Variants in CD109 observed in about 807,000 individuals in gnomAD.
CD109 encodes CD109 antigen.
Under a neutral mutation model 165.8 loss-of-function variants are expected in CD109, and 149 were observed. That is an observed-to-expected ratio of 0.90 (90% CI 0.79 to 1.03). CD109 has a LOEUF of 1.03. CD109 is among the 50% of genes least tolerant of loss of function. CD109 has a pLI of 0.00. For missense variants in CD109, 1,712 were observed against 1,677.8 expected (o/e 1.02, Z -0.36); for synonymous variants, 585 against 592.1 (o/e 0.99, Z 0.18).
chr6:73,779,789 G>C (rs966721810), intron 15 of CD109, among the ~76,000 whole-genome samples: 1 of 151,730 alleles, frequency 6.6e-6, no homozygotes, highest in African/African-American at 2.4e-5. Context: ...AATTTTTTGA[G>C]GATCTGACAG....
rs1582127136 is a variant in CD109 at position 73,767,000 on chromosome 6, T to G, written c.1487T>G (p.Leu496Ter). The part of the protein sequence containing the change: ...VVSGNKRLKE[L>*]SYMVVSRGQL... ...AGTGGCAACAAACGATTGAAGGAGT[T>G]AAGCTATATGGTAATCTCTTATAGA... The change falls in exon 13 of 33, where the codon TTA (leucine) becomes TGA (stop). Residue 496 changes from leucine to a stop codon, truncating the protein, a stop_gained. Transcript: ENST00000287097. LOFTEE classifies it high-confidence loss of function. 1 of 1,612,976 alleles carries G rather than the reference T, an allele frequency of 6.2e-7. No homozygotes were observed. Among genetic ancestry groups the G allele is most frequent in the South Asian group, 1.1e-5 (1 of 91,010 alleles).
At position 73,753,225 on chromosome 6, in the gene CD109, A is replaced by G. The variant is rs186254467; in HGVS notation, c.634-3418A>G. ...AGAGACCATATGGCCTGCAAAGCCT[A>G]AAATATTTACTATCCCACTCTTTAC... On this transcript the variant is annotated intron_variant, in intron 5 of 32. Transcript: ENST00000287097. Among the ~76,000 whole-genome samples, 872 of 152,314 alleles carry G rather than the reference A, an allele frequency of 5.7e-3. 4 individuals carry two copies. Among genetic ancestry groups the G allele is most frequent in the Non-Finnish European group, 0.01 (705 of 68,016 alleles).
At chr6:73,757,219 G>A (rs1773430775) in intron 6 of CD109, among the ~76,000 whole-genome samples, 1 of 152,180 alleles carries the variant, frequency 6.6e-6, no homozygotes, top group Admixed American at 6.5e-5. Context: ...TTATTTTGAG[G>A]TTGCACATGC....
At chr6:73,788,363 A>T in intron 21 of CD109, 105 bp from the exon 22 acceptor site, 2 of 920,738 alleles carry the variant, frequency 2.2e-6, no homozygotes, top group Non-Finnish European at 3.1e-6. Context: ...AGCCACACAC[A>T]AACCTCAGAC....
In CD109 at chr6:73,766,082, T is replaced by C; in HGVS notation, c.1260T>C (p.Tyr420=). ...QKMEAVQKIN[Y]TVPQSGTFKI... The stretch of plus-strand genomic sequence containing the variant: ...TGGAAGCTGTTCAGAAAATAAATTA[T>C]ACTGTCCCCCAAAGTGGAACTTTTA... Residue 420 remains tyrosine (Y), a synonymous_variant, in exon 11 of 33, where the codon TAT becomes TAC. Transcript: ENST00000287097. The C allele has an allele frequency of 6.2e-7, 1 of 1,614,138 alleles. No individual in the cohort carries two copies. The highest frequency in any genetic ancestry group is 8.5e-7 in the Non-Finnish European group (1 of 1,179,986).
At chr6:73,704,295 C>T (rs1266085501) in intron 2 of CD109, among the ~76,000 whole-genome samples, 1 of 152,020 alleles carries the variant, frequency 6.6e-6, no homozygotes. Flanking sequence ...TTGTACTCGA[C>T]CAAATACTGG....
At chr6:73,719,515 A>G (rs770514598) in intron 2 of CD109, among the ~76,000 whole-genome samples, 68 of 152,208 alleles carry the variant, frequency 4.5e-4, no homozygotes, top group Non-Finnish European at 8.7e-4. Context: ...TTAATTGTAC[A>G]TCAGCATGAA....
intron 15 of CD109, among the ~76,000 whole-genome samples, chr6:73,774,823 C>T (rs1022177977): frequency 1.2e-4 from 19 of 152,158 alleles, no homozygotes; most frequent in Non-Finnish European, 2.2e-4. Context: ...AGATGTCCAC[C>T]ACTCTTCCTG....
At chr6:73,793,176 CAG>C (rs1478838932) in intron 23 of CD109, among the ~76,000 whole-genome samples, 3 of 152,150 alleles carry the variant, frequency 2.0e-5, no homozygotes, top group Admixed American at 1.3e-4. Context: ...GCCAAGAAAA[CAG>C]AGGGAGCCAG....
chr6:73,792,355 T>C (rs1775000385), intron 22 of CD109, among the ~76,000 whole-genome samples: 1 of 152,208 alleles, frequency 6.6e-6, no homozygotes, highest in Non-Finnish European at 1.5e-5. Context: ...TTAAAAAAAT[T>C]ATTTTTTGCC....
chr6:73,764,730 C>T (rs1171810566), intron 10 of CD109, among the ~76,000 whole-genome samples: 2 of 151,190 alleles, frequency 1.3e-5, no homozygotes, highest in African/African-American at 4.9e-5. Flanking sequence ...GCAGAAGAAT[C>T]GCTTGAACCC....
chr6:73,697,356 T>G, intron 1 of CD109, 44 bp from the exon 2 acceptor site: 2 of 1,578,410 alleles, frequency 1.3e-6, no homozygotes, highest in South Asian at 2.2e-5. Flanking sequence ...AAAGGAGATG[T>G]GAGGATAAGA....
chr6:73,710,577 A>G (rs1453823006), intron 2 of CD109, among the ~76,000 whole-genome samples: 1 of 152,130 alleles, frequency 6.6e-6, no homozygotes, highest in African/African-American at 2.4e-5. Flanking sequence ...AATGCTTGGT[A>G]CATAGAAGAC....
At chr6:73,697,893 A>G (rs549461988) in intron 2 of CD109, among the ~76,000 whole-genome samples, 1 of 152,310 alleles carries the variant, frequency 6.6e-6, no homozygotes, top group South Asian at 2.1e-4. Context: ...TTTATGGGAT[A>G]GGCCTAGAAA....
rs1049627735 is a variant in CD109 at position 73,826,931 on chromosome 6, A to T, written c.*3298A>T. 1 of 151,780 alleles carries T rather than the reference A, an allele frequency of 6.6e-6. No homozygotes were observed. The highest frequency in any genetic ancestry group is 1.5e-5 in the Non-Finnish European group (1 of 67,994). The allele number at this position is 151,780 out of a possible 1,614,324, so 9.4% of individuals were successfully genotyped here. A position where few individuals can be genotyped will look rare whatever the true frequency, so the allele number is the denominator to read the frequency against. On this transcript the variant is annotated 3_prime_UTR_variant, in exon 33 of 33. Coordinates refer to ENST00000287097, the MANE Select transcript of CD109 (RefSeq NM_133493.5). Reference sequence around the variant, plus strand: ...TAAACATATTTATAAGTAGTCTGTCAATATAATACCAACTATTTTTATTTT... The same window carrying T: ...TAAACATATTTATAAGTAGTCTGTCTATATAATACCAACTATTTTTATTTT...
intron 2 of CD109, among the ~76,000 whole-genome samples, chr6:73,715,023 C>T (rs1771673177): frequency 6.6e-6 from 1 of 152,214 alleles, no homozygotes; most frequent in African/African-American, 2.4e-5. Flanking sequence ...CTTTGGGAGG[C>T]TGAGGCGGGC....
chr6:73,681,915 T>C, the CD109 span, among the ~76,000 whole-genome samples: 2 of 152,040 alleles, frequency 1.3e-5, no homozygotes, highest in Non-Finnish European at 2.9e-5. Context: ...AAATTCCGAT[T>C]TTAAAAACCA....
At chr6:73,697,803 G>C (rs1168192146) in intron 2 of CD109, among the ~76,000 whole-genome samples, 1 of 152,262 alleles carries the variant, frequency 6.6e-6, no homozygotes, top group Admixed American at 6.5e-5. Flanking sequence ...TCATCACTTG[G>C]CTCCCAAGAC....
chr6:73,694,014 T>C (rs971097366), upstream of CD109: 1 of 152,046 alleles, frequency 6.6e-6, no homozygotes, highest in Non-Finnish European at 1.5e-5. Context: ...GTCTCCTGAG[T>C]AGCTCGGATT....
Sources: gnomAD v4.1 joint callset for allele counts (sites outside exome capture counted in the v4.1 genomes callset) on GRCh38, gnomAD v4.1.1 for gene constraint, MANE v1.5 for transcripts, NCBI Gene and HGNC (gene_info 2026-07-23, HGNC 2026-07-21) for gene names.